Variants in ENTPD5 observed in about 807,000 individuals in gnomAD.
ENTPD5 encodes the protein nucleoside diphosphate phosphatase ENTPD5.
ENTPD5 carries 49 observed loss-of-function variants against 60.2 expected under a neutral mutation model. The observed-to-expected ratio is 0.81, with a 90% confidence interval of 0.65 to 1.03. The LOEUF (loss-of-function observed/expected upper bound fraction) is 1.03. Among genes scored for constraint, ENTPD5 ranks in the 50% least tolerant of loss-of-function variants. The probability of loss-of-function intolerance (pLI) is 0.00; values close to 1 mark genes in which losing one functional copy is unlikely to be tolerated. For missense variants in ENTPD5, 480 were observed against 507.6 expected, an observed-to-expected ratio of 0.95 and a Z score of 0.52; for synonymous variants, 187 against 185.4, an observed-to-expected ratio of 1.01 and a Z score of -0.07.
rs768734446 is a variant in ENTPD5, at chr14:73,970,085, G to C, written c.1125C>G (p.Phe375Leu). The change falls in exon 15 of 16, where the codon TTC becomes TTG. Residue 375 changes from phenylalanine to leucine, a missense_variant. Physicochemically the swap from Phe to Leu is conservative, Grantham distance 22 (BLOSUM62 0). Coordinates refer to ENST00000334696, the MANE Select transcript of ENTPD5 (RefSeq NM_001249.5). ...NLENFTSGSP[F>L]LCMDLSYITA... is the part of the protein sequence containing the mutation. ...TGATGTAGCTGAGATCCATGCACAG[G>C]AAAGGACTGCCTGAGGTGAAGTTTT... is the stretch of plus-strand genomic sequence containing the variant. 6.2e-7 allele frequency: 1 copy of C among 1,613,994 alleles called. No individual in the cohort carries two copies. Among genetic ancestry groups the C allele is most frequent in the South Asian group, 1.1e-5 (1 of 91,078 alleles).
At chr14:73,988,226 G>A (rs2057985663) in intron 3 of ENTPD5, 54 bp from the exon 4 acceptor site, 2 of 1,434,296 alleles carry the variant, frequency 1.4e-6, no homozygotes, top group Admixed American at 5.5e-5. Context: ...AGTTACACCT[G>A]TAAAAGAAGA....
chr14:73,973,969 C>T lies in ENTPD5; in HGVS notation c.794G>A (p.Gly265Glu). ...LGALETEGTD[G>E]HTFRSACLPR... is the part of the protein sequence containing the mutation. ...TAAACAGGCACTCCGGAAAGTGTGC[C>T]CATCAGTCCCTGAAAGAATCCAGGG... Residue 265 changes from glycine (G) to glutamate (E), a missense_variant, in exon 12 of 16, where the codon GGG (glycine) becomes GAG (glutamate). Gly to Glu is a moderately conservative substitution (Grantham distance 98). Transcript: ENST00000334696. The T allele has an allele frequency of 6.2e-7, 1 of 1,613,984 alleles. No individual in the cohort carries two copies. The highest frequency in any genetic ancestry group is 8.5e-7 in the Non-Finnish European group (1 of 1,179,940).
At chr14:73,993,535 A>G (rs2058222033) in intron 3 of ENTPD5, among the ~76,000 whole-genome samples, 1 of 152,188 alleles carries the variant, frequency 6.6e-6, no homozygotes, top group Admixed American at 6.6e-5. Context: ...CAGGAAATCA[A>G]CCACTGATAC....
At position 74,003,489 on chromosome 14, in the gene ENTPD5, C is replaced by T. The variant is rs577580516; in HGVS notation, c.-71+7602G>A. 2.2e-5 allele frequency: 31 copies of T among 1,418,162 alleles called. No homozygotes were observed. In the Admixed American group the frequency reaches 4.6e-4, roughly 21 times the overall value. 87.8% of individuals were successfully genotyped at this position (1,418,162 alleles called of 1,614,324 possible). The stretch of plus-strand genomic sequence containing the variant: ...GTCCAAGTAAACCGCTAGCTTGTTG[C>T]ACCGTGGAGGCCACACAGGAGCAGA... On this transcript the variant is annotated intron_variant, in intron 3 of 15. Coordinates refer to ENST00000334696, the MANE Select transcript of ENTPD5 (RefSeq NM_001249.5).
downstream of ENTPD5, chr14:73,962,931 C>T (rs753107300): frequency 3.1e-5 from 47 of 1,514,018 alleles, no homozygotes; most frequent in African/African-American, 6.2e-4. Flanking sequence ...CTTCACCTTA[C>T]TGTGTTAAGA....
In ENTPD5 at chr14:73,963,362, G is replaced by T; in HGVS notation, c.*3566C>A. On this transcript the variant is annotated 3_prime_UTR_variant, in exon 16 of 16. Transcript: ENST00000334696. ...ATGTTGGTCATAAATTTATACAGTT[G>T]TTTTTTGATAGAGGTAAGAATTAGA... The T allele has an allele frequency of 2.7e-6, 1 of 371,514 alleles. No homozygotes were observed. The allele number at this position is 371,514 out of a possible 1,614,324, so 23.0% of individuals were successfully genotyped here. A position where few individuals can be genotyped will look rare whatever the true frequency, so the allele number is the denominator to read the frequency against.
chr14:73,996,160 T>C, intron 3 of ENTPD5: 1 of 985,404 alleles, frequency 1.0e-6, no homozygotes, highest in Non-Finnish European at 1.2e-6. Flanking sequence ...AGGTTGCCTT[T>C]TGCTCTTTGC....
At chr14:73,962,561 G>GAAA, downstream of ENTPD5, 5 of 173,416 alleles carry the variant, frequency 2.9e-5, no homozygotes, top group South Asian at 1.3e-4. Flanking sequence ...CCAGTCTCTT[G>GAAA]AAAAAAAAAA....
chr14:73,970,209 G>A, intron 14 of ENTPD5, 84 bp from the exon 15 acceptor site: 1 of 987,864 alleles, frequency 1.0e-6, no homozygotes, highest in Non-Finnish European at 1.6e-6. Context: ...AGTGGAATAG[G>A]GGCCAGGCGC....
At chr14:73,958,412 T>A, downstream of ENTPD5, 1 of 1,522,460 alleles carries the variant, frequency 6.6e-7, no homozygotes, top group South Asian at 1.2e-5. Context: ...CAGTACCTAT[T>A]CAGGCCAGCT....
chr14:73,961,122 TC>T, downstream of ENTPD5: 1 of 1,580,524 alleles, frequency 6.3e-7, no homozygotes, highest in Non-Finnish European at 8.6e-7. Context: ...AATTTTTAAT[TC>T]CCTGCTACTC....
chr14:73,988,288 C>T (rs1256614575), intron 3 of ENTPD5, 116 bp from the exon 4 acceptor site: 5 of 986,332 alleles, frequency 5.1e-6, no homozygotes, highest in Non-Finnish European at 7.1e-6. Flanking sequence ...ATAACCTGTA[C>T]AACAAGCTAA....
chr14:73,958,117 A>AT (rs376699893), downstream of ENTPD5: 161 of 1,593,752 alleles, frequency 1.0e-4, 3 homozygotes, highest in South Asian at 1.6e-3. Flanking sequence ...CACCTTTCTA[A>AT]TTTTTTTTCC....
At chr14:73,961,972 A>T (rs577664756), downstream of ENTPD5, 2 of 1,570,556 alleles carry the variant, frequency 1.3e-6, no homozygotes, top group East Asian at 2.2e-5. Flanking sequence ...TTTGAAACAG[A>T]GTCTTGGTCT....
downstream of ENTPD5, chr14:73,960,891 A>G: frequency 3.8e-6 from 2 of 521,362 alleles, no homozygotes; most frequent in Non-Finnish European, 3.5e-6. Flanking sequence ...GATGAGCTAT[A>G]CTGTGGCTGG....
rs1471424726 is a variant in ENTPD5 at position 74,015,829 on chromosome 14, A to G, written c.-136T>C. On this transcript the variant is annotated 5_prime_UTR_variant, in exon 2 of 16. It removes an upstream start codon present in the reference 5' UTR. Transcript: ENST00000334696. ...TAAGCTAGTGGAGATATTACCTTAC[A>G]TCTGGATACAAGTCCTACCTAACAG... The G allele has an allele frequency of 6.6e-6, 1 of 152,180 alleles. No homozygotes were observed. The highest frequency in any genetic ancestry group is 1.9e-4 in the East Asian group (1 of 5,194). 9.4% of individuals were successfully genotyped at this position (152,180 alleles called of 1,614,324 possible).
intron 3 of ENTPD5, among the ~76,000 whole-genome samples, chr14:74,004,541 G>A (rs919276664): frequency 6.2e-4 from 95 of 152,150 alleles, no homozygotes; most frequent in Non-Finnish European, 1.2e-3. Flanking sequence ...TCATGAGATT[G>A]CAGTCAAGAT....
chr14:73,959,338 T>C (rs2056596482), downstream of ENTPD5: 1 of 1,614,148 alleles, frequency 6.2e-7, no homozygotes, highest in African/African-American at 1.3e-5. Context: ...GTAAGTTCCC[T>C]TTTTGTCTTT....
downstream of ENTPD5, chr14:73,961,311 GT>G (rs1208100081): frequency 6.2e-7 from 1 of 1,614,216 alleles, no homozygotes; most frequent in Non-Finnish European, 8.5e-7. Flanking sequence ...CAAAAGCCGA[GT>G]TCTGTTTCCT....
Sources: allele counts gnomAD v4.1 joint callset (sites outside exome capture counted in the v4.1 genomes callset), GRCh38; gene constraint gnomAD v4.1.1; transcripts MANE v1.5; gene names NCBI Gene and HGNC (gene_info 2026-07-23, HGNC 2026-07-21).